Variants in ASTN2 observed in about 807,000 individuals in gnomAD.
ASTN2 encodes the protein astrotactin-2.
Under a neutral mutation model 139.8 loss-of-function variants are expected in ASTN2, and 54 were observed. That is an observed-to-expected ratio of 0.39 (90% CI 0.31 to 0.48). The LOEUF is 0.48. ASTN2 is among the 20% of genes least tolerant of loss of function. The pLI is 0.95. For synonymous variants in ASTN2, 756 were observed against 719.5 expected, an observed-to-expected ratio of 1.05 and a Z score of -0.81; for missense variants, 1,565 against 1,725.1, an observed-to-expected ratio of 0.91 and a Z score of 1.64.
At chr9:116,904,331 T>G (rs1311509018) in intron 10 of ASTN2, among the ~76,000 whole-genome samples, 1 of 152,006 alleles carries the variant, frequency 6.6e-6, no homozygotes, top group African/African-American at 2.4e-5. Flanking sequence ...CCTGATGGGG[T>G]AGGACACAGA....
At chr9:116,886,130 A>T (rs963143444) in intron 10 of ASTN2, among the ~76,000 whole-genome samples, 12 of 152,244 alleles carry the variant, frequency 7.9e-5, no homozygotes, top group Non-Finnish European at 1.8e-4. Flanking sequence ...CTGGCCATAG[A>T]CCCACTGTCA....
At chr9:116,575,998 C>G (rs959045200) in intron 19 of ASTN2, among the ~76,000 whole-genome samples, 12 of 152,106 alleles carry the variant, frequency 7.9e-5, no homozygotes, top group African/African-American at 2.9e-4. Context: ...CCTTCCCAAC[C>G]TGGGAAGCAT....
At chr9:116,458,938 C>A (rs1460505520) in intron 20 of ASTN2, among the ~76,000 whole-genome samples, 1 of 151,780 alleles carries the variant, frequency 6.6e-6, no homozygotes, top group Admixed American at 6.6e-5. Context: ...GAAAGGCATC[C>A]AGAATAGCCA....
intron 1 of ASTN2, among the ~76,000 whole-genome samples, chr9:117,303,530 A>T (rs902130468): frequency 2.0e-5 from 3 of 152,080 alleles, no homozygotes; most frequent in African/African-American, 7.2e-5. Context: ...GGACCAAATG[A>T]CATTTGATGC....
chr9:116,534,456 G>A (rs980046845), intron 19 of ASTN2, among the ~76,000 whole-genome samples: 1 of 152,016 alleles, frequency 6.6e-6, no homozygotes, highest in Non-Finnish European at 1.5e-5. Context: ...ATGATGTTAG[G>A]GTGTCAATTT....
chr9:116,515,837 C>CT (rs1407233474), intron 19 of ASTN2, among the ~76,000 whole-genome samples: 5 of 152,130 alleles, frequency 3.3e-5, no homozygotes, highest in African/African-American at 7.2e-5. Context: ...GAATGTTTGG[C>CT]TTTTTTTGAT....
intron 2 of ASTN2, among the ~76,000 whole-genome samples, chr9:117,286,254 CAAAT>C (rs1371923738): frequency 2.0e-5 from 3 of 151,630 alleles, no homozygotes; most frequent in East Asian, 3.9e-4. Flanking sequence ...ATGAAAAAAA[CAAAT>C]AAATGCAAAA....
At chr9:116,638,098 C>G (rs1857159003) in intron 17 of ASTN2, among the ~76,000 whole-genome samples, 1 of 152,122 alleles carries the variant, frequency 6.6e-6, no homozygotes, top group Non-Finnish European at 1.5e-5. Flanking sequence ...GGCCTAGATG[C>G]CTGTATAAAC....
chr9:116,554,106 C>T (rs1290872886), intron 19 of ASTN2, among the ~76,000 whole-genome samples: 1 of 152,126 alleles, frequency 6.6e-6, no homozygotes, highest in Non-Finnish European at 1.5e-5. Flanking sequence ...ATAGTAGTTA[C>T]ATTAGTTCAC....
intron 16 of ASTN2, among the ~76,000 whole-genome samples, chr9:116,674,981 C>T (rs531524832): frequency 3.9e-5 from 6 of 152,126 alleles, no homozygotes; most frequent in Non-Finnish European, 5.9e-5. Context: ...TTGCAATTCC[C>T]GTCTTGATGA....
intron 13 of ASTN2, among the ~76,000 whole-genome samples, chr9:116,762,298 C>T (rs576325830): frequency 2.4e-4 from 36 of 152,212 alleles, no homozygotes; most frequent in Non-Finnish European, 4.6e-4. Flanking sequence ...TTGGAAAATC[C>T]CCTGCATCTC....
intron 11 of ASTN2, among the ~76,000 whole-genome samples, chr9:116,825,626 C>A (rs1213425893): frequency 6.6e-6 from 1 of 152,138 alleles, no homozygotes; most frequent in African/African-American, 2.4e-5. Flanking sequence ...TTTGAGGCAG[C>A]TTTTCCAGTC....
chr9:117,019,239 A>G (rs1162180343), intron 6 of ASTN2, among the ~76,000 whole-genome samples: 1 of 152,178 alleles, frequency 6.6e-6, no homozygotes. Flanking sequence ...TCAATACTTA[A>G]TATCTCCAAA....
chr9:116,646,838 C>T (rs1014051740), intron 17 of ASTN2, among the ~76,000 whole-genome samples: 4 of 152,212 alleles, frequency 2.6e-5, no homozygotes, highest in Admixed American at 1.3e-4. Context: ...CTGGCTTCCC[C>T]ATTGCCCTGG....
chr9:116,848,127 G>A (rs1348958639), intron 11 of ASTN2, among the ~76,000 whole-genome samples: 1 of 152,176 alleles, frequency 6.6e-6, no homozygotes, highest in African/African-American at 2.4e-5. Flanking sequence ...GCTAGGCTAT[G>A]CTAATTTATG....
At chr9:116,899,159 G>C (rs1223294969) in intron 10 of ASTN2, among the ~76,000 whole-genome samples, 1 of 152,084 alleles carries the variant, frequency 6.6e-6, no homozygotes, top group African/African-American at 2.4e-5. Flanking sequence ...TGGCTTTGTG[G>C]GTATCAGTGA....
At chr9:116,948,590 G>T (rs1167579163) in intron 10 of ASTN2, among the ~76,000 whole-genome samples, 2 of 151,914 alleles carry the variant, frequency 1.3e-5, no homozygotes, top group African/African-American at 4.8e-5. Context: ...TAGAGGCCAA[G>T]ATCTGGATAC....
At chr9:116,597,843 G>C (rs1172032128) in intron 19 of ASTN2, among the ~76,000 whole-genome samples, 1 of 152,062 alleles carries the variant, frequency 6.6e-6, no homozygotes, top group Non-Finnish European at 1.5e-5. Flanking sequence ...GTATTCCCAG[G>C]GAACTCTGAT....
At chr9:116,883,353 G>A (rs955449313) in intron 10 of ASTN2, among the ~76,000 whole-genome samples, 1 of 152,182 alleles carries the variant, frequency 6.6e-6, no homozygotes. Context: ...GGAAGAGGTA[G>A]CATTTAACTG....
Sources: allele counts gnomAD v4.1 joint callset (sites outside exome capture counted in the v4.1 genomes callset), GRCh38; gene constraint gnomAD v4.1.1; transcripts MANE v1.5; gene names NCBI Gene and HGNC (gene_info 2026-07-23, HGNC 2026-07-21).